Variants in TRDN observed in about 807,000 individuals in gnomAD.
TRDN encodes the protein triadin.
Under a neutral mutation model 149.7 loss-of-function variants are expected in TRDN, and 161 were observed. The ratio of observed to expected loss-of-function variants is 1.08; its 90% CI spans 0.95 to 1.23. TRDN has a LOEUF of 1.23. TRDN is among the 50% of genes most tolerant of loss of function. The probability of loss-of-function intolerance (pLI) is 0.00; values close to 1 mark genes in which losing one functional copy is unlikely to be tolerated. For synonymous variants in TRDN, 294 were observed against 250.5 expected, an observed-to-expected ratio of 1.17 and a Z score of -1.64; for missense variants, 896 against 823.5, an observed-to-expected ratio of 1.09 and a Z score of -1.08.
At chr6:123,393,565 A>T in intron 13 of TRDN, 59 bp downstream of exon 13, 3 of 1,487,806 alleles carry the variant, frequency 2.0e-6, no homozygotes, top group Non-Finnish European at 2.7e-6. Flanking sequence ...GCTTTTGTCA[A>T]TAAAGTGCTA....
intron 6 of TRDN, among the ~76,000 whole-genome samples, chr6:123,515,089 A>G (rs1329197751): frequency 6.6e-6 from 1 of 152,088 alleles, no homozygotes. Context: ...GTAAAATTTA[A>G]AAAAAAGAAA....
At chr6:123,635,667 T>G (rs1019774550) in intron 1 of TRDN, among the ~76,000 whole-genome samples, 2 of 151,976 alleles carry the variant, frequency 1.3e-5, no homozygotes, top group African/African-American at 4.8e-5. Flanking sequence ...TACTAATTTC[T>G]ACCCTCAAAA....
intron 35 of TRDN, among the ~76,000 whole-genome samples, chr6:123,256,468 T>C (rs933668934): frequency 3.3e-5 from 5 of 152,188 alleles, no homozygotes; most frequent in East Asian, 1.9e-4. Context: ...AGCATTCCTA[T>C]ATCTCCACAT....
intron 9 of TRDN, among the ~76,000 whole-genome samples, chr6:123,485,550 G>T: frequency 6.6e-6 from 1 of 152,062 alleles, no homozygotes; most frequent in Admixed American, 6.6e-5. Context: ...ATGTTCTAGG[G>T]AGAGAATAAT....
chr6:123,351,705 C>T, intron 21 of TRDN: 1 of 936,294 alleles, frequency 1.1e-6, no homozygotes, highest in South Asian at 4.9e-5. Flanking sequence ...ATTAGGATTT[C>T]ATACATTTAA....
At chr6:123,473,319 C>T (rs1212629178) in intron 9 of TRDN, among the ~76,000 whole-genome samples, 8 of 151,840 alleles carry the variant, frequency 5.3e-5, no homozygotes, top group South Asian at 2.1e-4. Context: ...GGAGCCGATG[C>T]GATCAACTGG....
chr6:123,496,102 T>C (rs1778435063), intron 9 of TRDN, among the ~76,000 whole-genome samples: 1 of 146,954 alleles, frequency 6.8e-6, no homozygotes, highest in Non-Finnish European at 1.5e-5. Flanking sequence ...ATATAATATA[T>C]ATAATTATTA....
chr6:123,226,272 A>G (rs1009308473), intron 38 of TRDN, among the ~76,000 whole-genome samples: 1 of 151,880 alleles, frequency 6.6e-6, no homozygotes, highest in Non-Finnish European at 1.5e-5. Context: ...CTTAATATCT[A>G]TATTTTAAAA....
At chr6:123,306,853 A>G (rs1298658193) in intron 24 of TRDN, among the ~76,000 whole-genome samples, 1 of 151,976 alleles carries the variant, frequency 6.6e-6, no homozygotes, top group Non-Finnish European at 1.5e-5. Flanking sequence ...TTTTTACTTC[A>G]AATGCATGTC....
At chr6:123,327,121 A>G (rs1779485952) in intron 23 of TRDN, among the ~76,000 whole-genome samples, 1 of 152,046 alleles carries the variant, frequency 6.6e-6, no homozygotes, top group Admixed American at 6.6e-5. Context: ...CCTACATGAG[A>G]AACAAGTGTG....
chr6:123,596,139 A>G (rs1258615941), intron 1 of TRDN, among the ~76,000 whole-genome samples: 1 of 152,098 alleles, frequency 6.6e-6, no homozygotes, highest in Non-Finnish European at 1.5e-5. Flanking sequence ...GTGAGGACAT[A>G]AATGATAAAA....
intron 24 of TRDN, among the ~76,000 whole-genome samples, chr6:123,292,972 G>A (rs918449606): frequency 2.0e-5 from 3 of 152,056 alleles, no homozygotes; most frequent in Non-Finnish European, 4.4e-5. Context: ...CCACGTTAAG[G>A]CCCAGCTGAA....
chr6:123,341,385 T>C (rs1034776669), intron 21 of TRDN, among the ~76,000 whole-genome samples: 15 of 151,954 alleles, frequency 9.9e-5, no homozygotes, highest in African/African-American at 3.4e-4. Context: ...TTTAACATTT[T>C]ACATTTTTTT....
At chr6:123,271,606 C>A (rs554598389) in intron 29 of TRDN, among the ~76,000 whole-genome samples, 2 of 152,028 alleles carry the variant, frequency 1.3e-5, no homozygotes, top group African/African-American at 4.8e-5. Flanking sequence ...GGTGGAGAAC[C>A]CAAATTTCTT....
At chr6:123,296,005 A>T (rs1452271048) in intron 24 of TRDN, among the ~76,000 whole-genome samples, 1 of 152,058 alleles carries the variant, frequency 6.6e-6, no homozygotes, top group Non-Finnish European at 1.5e-5. Context: ...GCAAATTAAA[A>T]CTTTTAAAAT....
intron 20 of TRDN, among the ~76,000 whole-genome samples, chr6:123,361,883 A>G (rs9320930): frequency 0.46 from 69,690 of 151,838 alleles, 17,090 homozygotes; most frequent in East Asian, 0.79. Context: ...GACAAGCTCA[A>G]TTACCTCCAT....
intron 33 of TRDN, among the ~76,000 whole-genome samples, chr6:123,260,933 GAAC>G (rs1427913127): frequency 6.6e-6 from 1 of 151,508 alleles, no homozygotes. Context: ...GTACTTGATA[GAAC>G]AACAGGCTGA....
intron 2 of TRDN, among the ~76,000 whole-genome samples, chr6:123,549,049 G>C (rs371264073): frequency 1.3e-5 from 2 of 151,968 alleles, no homozygotes; most frequent in East Asian, 1.9e-4. Flanking sequence ...AGGTAGTTGT[G>C]GCTAAATTAA....
chr6:123,388,917 G>C (rs1782007914), intron 13 of TRDN, among the ~76,000 whole-genome samples: 1 of 152,134 alleles, frequency 6.6e-6, no homozygotes. Context: ...ATCAAAAAAA[G>C]TGGAAGTGAT....
Sources: allele counts gnomAD v4.1 joint callset (sites outside exome capture counted in the v4.1 genomes callset), GRCh38; gene constraint gnomAD v4.1.1; transcripts MANE v1.5; gene names NCBI Gene and HGNC (gene_info 2026-07-23, HGNC 2026-07-21).